TSHZ2: variants seen among roughly 807,000 people sequenced by gnomAD.
The protein encoded by TSHZ2 is teashirt zinc finger homeobox 2, also known as teashirt homolog 2.
A neutral mutation model predicts 74.4 loss-of-function variants in TSHZ2; 21 were observed. The observed-to-expected ratio is 0.28, with a 90% CI of 0.20 to 0.41. TSHZ2 has a LOEUF of 0.41. Among genes scored for constraint, TSHZ2 ranks in the 10% least tolerant of loss-of-function variants. TSHZ2 has a pLI of 1.00. For missense variants in TSHZ2, 1,244 were observed against 1,293.5 expected (o/e 0.96, Z 0.59); for synonymous variants, 540 against 515.3 (o/e 1.05, Z -0.65).
chr20:53,231,554 A>G (rs1600756309), intron 1 of TSHZ2, among the ~76,000 whole-genome samples: 1 of 152,172 alleles, frequency 6.6e-6, no homozygotes. Context: ...GAGGTCATCA[A>G]TGGGTAGTTG....
intron 2 of TSHZ2, among the ~76,000 whole-genome samples, chr20:53,263,293 A>C (rs916182679): frequency 6.6e-6 from 1 of 152,332 alleles, no homozygotes; most frequent in Middle Eastern, 3.4e-3. Context: ...CCATAAATAG[A>C]CACAAATTTC....
chr20:53,115,500 C>T (rs1434077704), intron 1 of TSHZ2, among the ~76,000 whole-genome samples: 4 of 152,208 alleles, frequency 2.6e-5, no homozygotes, highest in East Asian at 1.9e-4. Context: ...GATTGTGAGG[C>T]CTTCCCAGCC....
intron 2 of TSHZ2, among the ~76,000 whole-genome samples, chr20:53,417,207 T>C (rs1208720016): frequency 6.7e-6 from 1 of 149,612 alleles, no homozygotes; most frequent in East Asian, 2.0e-4. Context: ...CAAACATCCC[T>C]GAGGATATCT....
chr20:53,400,834 G>C (rs904504011), intron 2 of TSHZ2, among the ~76,000 whole-genome samples: 7 of 152,202 alleles, frequency 4.6e-5, no homozygotes, highest in Admixed American at 3.9e-4. Flanking sequence ...ACAGAGGAGG[G>C]TGCTCTCCCA....
intron 2 of TSHZ2, among the ~76,000 whole-genome samples, chr20:53,479,859 G>A (rs1326681365): frequency 2.6e-5 from 4 of 152,182 alleles, no homozygotes; most frequent in South Asian, 2.1e-4. Flanking sequence ...ATAGACGGGC[G>A]GCCCCCACCA....
At chr20:53,181,878 AC>A (rs1486535603) in intron 1 of TSHZ2, among the ~76,000 whole-genome samples, 1 of 152,362 alleles carries the variant, frequency 6.6e-6, no homozygotes, top group African/African-American at 2.4e-5. Context: ...CTGTGCCCAG[AC>A]AGCCAGTGTG....
At chr20:53,432,044 A>G (rs1983863870) in intron 2 of TSHZ2, among the ~76,000 whole-genome samples, 1 of 152,196 alleles carries the variant, frequency 6.6e-6, no homozygotes, top group Non-Finnish European at 1.5e-5. Context: ...GATGAATTAT[A>G]TAGTAGTCAA....
chr20:53,270,071 G>A (rs1568845195), intron 2 of TSHZ2, among the ~76,000 whole-genome samples: 2 of 152,280 alleles, frequency 1.3e-5, no homozygotes, highest in Non-Finnish European at 1.5e-5. Context: ...TCTGGCCACA[G>A]TGAAATGCAC....
chr20:53,162,174 C>T (rs1178507594), intron 1 of TSHZ2, among the ~76,000 whole-genome samples: 1 of 152,112 alleles, frequency 6.6e-6, no homozygotes, highest in East Asian at 1.9e-4. Flanking sequence ...CTTTTCTTCT[C>T]AATTTTATAA....
chr20:53,257,550 A>G (rs1055425384), intron 2 of TSHZ2, among the ~76,000 whole-genome samples: 2 of 152,180 alleles, frequency 1.3e-5, no homozygotes, highest in African/African-American at 4.8e-5. Flanking sequence ...TTCACCAGCC[A>G]TTTTCAAATG....
At chr20:53,110,340 C>G (rs950098790) in intron 1 of TSHZ2, among the ~76,000 whole-genome samples, 1 of 152,040 alleles carries the variant, frequency 6.6e-6, no homozygotes, top group African/African-American at 2.4e-5. Flanking sequence ...CATACATGTT[C>G]CAATAAATCC....
chr20:53,014,565 C>T (rs897337546), intron 1 of TSHZ2, among the ~76,000 whole-genome samples: 1 of 152,138 alleles, frequency 6.6e-6, no homozygotes, highest in Non-Finnish European at 1.5e-5. Context: ...AGGCAGTGCT[C>T]TCTGCCCTGC....
At chr20:53,189,762 A>G (rs6097289) in intron 1 of TSHZ2, among the ~76,000 whole-genome samples, 5,875 of 151,988 alleles carry the variant, frequency 0.039, 386 homozygotes, top group African/African-American at 0.13. Context: ...AAGTACAATA[A>G]AATGCACTTA....
In TSHZ2 at chr20:53,323,658, C is replaced by T. The variant is rs539560006; in HGVS notation, c.*8+67087C>T. Among the ~76,000 whole-genome samples, 170 of 140,450 alleles carry T rather than the reference C, an allele frequency of 1.2e-3. 1 individual carries two copies. The highest frequency in any genetic ancestry group is 4.1e-3 in the African/African-American group (159 of 38,480). The allele number at this position is 140,450 out of a possible 152,430, so 92.1% of individuals were successfully genotyped here. On this transcript the variant is annotated intron_variant, in intron 2 of 2. Coordinates refer to ENST00000371497, the MANE Select transcript of TSHZ2 (RefSeq NM_173485.6). ...TGGTGCAATCTCTGGTCACTGCAAC[C>T]TCCGACTCCCAGGTTCAAGCGATTA...
chr20:53,246,163 T>A (rs1990199273), intron 1 of TSHZ2, among the ~76,000 whole-genome samples: 1 of 151,844 alleles, frequency 6.6e-6, no homozygotes, highest in Admixed American at 6.6e-5. Flanking sequence ...CCTCTCAGCC[T>A]CCCAAGTAGC....
At chr20:52,992,544 G>T (rs764684324) in intron 1 of TSHZ2, among the ~76,000 whole-genome samples, 19 of 152,138 alleles carry the variant, frequency 1.2e-4, no homozygotes, top group Non-Finnish European at 2.6e-4. Context: ...CTTAAGATCA[G>T]CAGGGCAGCC....
intron 2 of TSHZ2, among the ~76,000 whole-genome samples, chr20:53,272,075 G>A (rs1388890301): frequency 5.9e-5 from 9 of 151,812 alleles, no homozygotes; most frequent in African/African-American, 1.2e-4. Flanking sequence ...GCAGTGGTGC[G>A]ATTTCGGCTC....
At chr20:53,251,636 A>G (rs970571096) in intron 1 of TSHZ2, among the ~76,000 whole-genome samples, 9 of 152,206 alleles carry the variant, frequency 5.9e-5, no homozygotes, top group African/African-American at 1.7e-4. Flanking sequence ...TTTGCTAGGA[A>G]GGTAAAACAC....
Position 53,253,524 on chromosome 20 carries a change from A to G in TSHZ2, c.66A>G (p.Lys22=), listed in dbSNP as rs1274702858. 6.2e-7 allele frequency: 1 copy of G among 1,611,774 alleles called. No individual in the cohort carries two copies. The highest frequency in any genetic ancestry group is 1.1e-5 in the South Asian group (1 of 90,830). Residue 22 remains lysine, a synonymous_variant, in exon 2 of 3, where the codon AAA becomes AAG. Coordinates refer to ENST00000371497, the MANE Select transcript of TSHZ2 (RefSeq NM_173485.6). ...AAGYAQEEQL[K]EEEEIKEEEE... The stretch of plus-strand genomic sequence containing the variant: ...GCTACGCCCAGGAGGAACAGCTGAA[A>G]GAAGAGGAGGAAATAAAAGAAGAGG...
Sources: allele counts gnomAD v4.1 joint callset (sites outside exome capture counted in the v4.1 genomes callset), GRCh38; gene constraint gnomAD v4.1.1; transcripts MANE v1.5; gene names NCBI Gene and HGNC (gene_info 2026-07-23, HGNC 2026-07-21).